Variants in SEMA6D observed in about 807,000 individuals in gnomAD.
The protein encoded by SEMA6D is semaphorin 6D, also known as semaphorin-6D.
A neutral mutation model predicts 106.6 loss-of-function variants in SEMA6D; 35 were observed. That is an observed-to-expected ratio of 0.33 (90% CI 0.25 to 0.44). The LOEUF (loss-of-function observed/expected upper bound fraction) is 0.44. Among genes scored for constraint, SEMA6D ranks in the 20% least tolerant of loss-of-function variants. The pLI is 1.00. For synonymous variants in SEMA6D, 499 were observed against 487.7 expected (o/e 1.02, Z -0.31); for missense variants, 1,185 against 1,345.9 (o/e 0.88, Z 1.87).
At chr15:47,572,676 A>G (rs928895119) in intron 3 of SEMA6D, among the ~76,000 whole-genome samples, 1 of 152,250 alleles carries the variant, frequency 6.6e-6, no homozygotes, top group Non-Finnish European at 1.5e-5. Context: ...AAACACATAT[A>G]TACAACACTT....
intron 1 of SEMA6D, among the ~76,000 whole-genome samples, chr15:47,346,426 A>C (rs918607026): frequency 6.6e-6 from 1 of 152,092 alleles, no homozygotes; most frequent in African/African-American, 2.4e-5. Flanking sequence ...GGAAAACAAG[A>C]AGCTTAAATT....
chr15:47,370,450 G>A (rs2039225816), intron 1 of SEMA6D, among the ~76,000 whole-genome samples: 1 of 152,094 alleles, frequency 6.6e-6, no homozygotes. Flanking sequence ...GGGAGGCAGA[G>A]GTTGCAGTGA....
intron 2 of SEMA6D, among the ~76,000 whole-genome samples, chr15:47,470,220 T>A (rs781442431): frequency 2.6e-5 from 4 of 152,200 alleles, no homozygotes; most frequent in African/African-American, 4.8e-5. Flanking sequence ...TTGTTCCACC[T>A]AATGGTCTTG....
chr15:47,636,921 T>G (rs967816427), intron 4 of SEMA6D, among the ~76,000 whole-genome samples: 3 of 152,204 alleles, frequency 2.0e-5, no homozygotes, highest in Non-Finnish European at 4.4e-5. Context: ...ATGGCTGCCC[T>G]AGGCTGGGCT....
At chr15:47,351,840 T>C (rs1240228435) in intron 1 of SEMA6D, among the ~76,000 whole-genome samples, 2 of 152,238 alleles carry the variant, frequency 1.3e-5, no homozygotes, top group Non-Finnish European at 2.9e-5. Context: ...TATTCTTTTA[T>C]AGCTCTGATA....
chr15:47,533,267 T>C (rs548873758), intron 3 of SEMA6D, among the ~76,000 whole-genome samples: 1 of 152,312 alleles, frequency 6.6e-6, no homozygotes, highest in Non-Finnish European at 1.5e-5. Context: ...TCAGGCAGTA[T>C]AGGTGTAAAC....
At chr15:47,463,438 C>A (rs2042570919) in intron 2 of SEMA6D, among the ~76,000 whole-genome samples, 1 of 152,182 alleles carries the variant, frequency 6.6e-6, no homozygotes, top group Admixed American at 6.6e-5. Flanking sequence ...AATCTTAACA[C>A]ATGCAGTACA....
intron 3 of SEMA6D, among the ~76,000 whole-genome samples, chr15:47,585,772 A>G (rs2076327720): frequency 6.6e-6 from 1 of 152,216 alleles, no homozygotes; most frequent in Non-Finnish European, 1.5e-5. Context: ...AAAATGTATT[A>G]TCCTATTCAA....
chr15:47,250,277 T>G (rs2033437737), intron 1 of SEMA6D, among the ~76,000 whole-genome samples: 1 of 151,578 alleles, frequency 6.6e-6, no homozygotes, highest in African/African-American at 2.4e-5. Context: ...CACGACATAC[T>G]GTGCCATGGA....
At chr15:47,223,001 A>G (rs2031336150) in intron 1 of SEMA6D, among the ~76,000 whole-genome samples, 1 of 152,192 alleles carries the variant, frequency 6.6e-6, no homozygotes, top group Non-Finnish European at 1.5e-5. Flanking sequence ...TTTATTCATC[A>G]TTAGACCCAC....
At chr15:47,613,596 A>G (rs1281060232) in intron 4 of SEMA6D, among the ~76,000 whole-genome samples, 4 of 152,190 alleles carry the variant, frequency 2.6e-5, no homozygotes, top group African/African-American at 7.2e-5. Context: ...TAAAGAAAAT[A>G]TTTAGAAGTA....
intron 4 of SEMA6D, among the ~76,000 whole-genome samples, chr15:47,615,794 G>A (rs982524391): frequency 1.3e-5 from 2 of 152,176 alleles, no homozygotes; most frequent in Non-Finnish European, 2.9e-5. Flanking sequence ...GTCTCTTTGC[G>A]AAAGCATTTG....
intron 1 of SEMA6D, among the ~76,000 whole-genome samples, chr15:47,380,896 G>C (rs1038955331): frequency 6.6e-6 from 1 of 152,194 alleles, no homozygotes; most frequent in Non-Finnish European, 1.5e-5. Context: ...AGCAACTCTA[G>C]AGCTTCCAGT....
chr15:47,351,161 C>A (rs966668214), intron 1 of SEMA6D, among the ~76,000 whole-genome samples: 1 of 152,148 alleles, frequency 6.6e-6, no homozygotes, highest in Admixed American at 6.5e-5. Flanking sequence ...TCTTTCTCCT[C>A]ATTTCTATGT....
intron 1 of SEMA6D, among the ~76,000 whole-genome samples, chr15:47,198,495 G>A (rs1353266459): frequency 6.6e-6 from 1 of 152,132 alleles, no homozygotes; most frequent in East Asian, 1.9e-4. Flanking sequence ...CTAGGATCAT[G>A]TTGATTCCTA....
intron 1 of SEMA6D, among the ~76,000 whole-genome samples, chr15:47,727,315 G>T (rs2079820170): frequency 6.6e-6 from 1 of 152,132 alleles, no homozygotes; most frequent in Admixed American, 6.5e-5. Context: ...GGTCTGTTTC[G>T]CTGCGTCTGG....
chr15:47,456,971 C>CCACA (rs2042363619), intron 2 of SEMA6D, among the ~76,000 whole-genome samples: 1 of 151,928 alleles, frequency 6.6e-6, no homozygotes, highest in African/African-American at 2.4e-5. Flanking sequence ...AGGAAACCAC[C>CCACA]CACATCTTGA....
At chr15:47,457,228 A>G (rs935255992) in intron 2 of SEMA6D, among the ~76,000 whole-genome samples, 1 of 152,030 alleles carries the variant, frequency 6.6e-6, no homozygotes, top group Non-Finnish European at 1.5e-5. Flanking sequence ...TTCAGAACAA[A>G]TCTCAAACCT....
intron 1 of SEMA6D, chr15:47,395,723 C>A (rs1217900626): frequency 2.0e-5 from 3 of 152,196 alleles, no homozygotes; most frequent in East Asian, 1.9e-4. Context: ...ATATTCAAAT[C>A]AACTTAAAAC....
Sources: allele counts gnomAD v4.1 joint callset (sites outside exome capture counted in the v4.1 genomes callset), GRCh38; gene constraint gnomAD v4.1.1; transcripts MANE v1.5; gene names NCBI Gene and HGNC (gene_info 2026-07-23, HGNC 2026-07-21).